The following ADARB2 variants were observed in gnomAD, a reference collection of about 807,000 sequenced individuals.
ADARB2 encodes adenosine deaminase RNA specific B2 (inactive).
ADARB2 carries 25 observed loss-of-function variants against 62.2 expected under a neutral mutation model. The observed-to-expected ratio is 0.40, with a 90% CI of 0.29 to 0.56. The LOEUF (loss-of-function observed/expected upper bound fraction) is 0.56. Ranked by LOEUF, ADARB2 falls within the 20% of genes least tolerant of loss-of-function variation. ADARB2 has a pLI of 0.43. For synonymous variants in ADARB2, 572 were observed against 500.8 expected, an observed-to-expected ratio of 1.14 and a Z score of -1.90; for missense variants, 1,071 against 1,077.4, an observed-to-expected ratio of 0.99 and a Z score of 0.08.
intron 6 of ADARB2, among the ~76,000 whole-genome samples, chr10:1,219,113 A>G (rs922428677): frequency 6.6e-6 from 1 of 150,828 alleles, no homozygotes; most frequent in Non-Finnish European, 1.5e-5. Flanking sequence ...TGCTCTGGCC[A>G]TGTCACTTTC....
chr10:1,502,535 C>G (rs1352045891), intron 1 of ADARB2, among the ~76,000 whole-genome samples: 1 of 152,190 alleles, frequency 6.6e-6, no homozygotes, highest in Non-Finnish European at 1.5e-5. Flanking sequence ...ATGGAAGAAG[C>G]AAATCTACTA....
chr10:1,619,483 C>T (rs1025595765), intron 1 of ADARB2, among the ~76,000 whole-genome samples: 1 of 152,110 alleles, frequency 6.6e-6, no homozygotes, highest in African/African-American at 2.4e-5. Context: ...TTCAGAGTCT[C>T]GCTCTGTCAC....
intron 2 of ADARB2, among the ~76,000 whole-genome samples, chr10:1,374,379 G>A (rs368807455): frequency 1.3e-5 from 2 of 152,188 alleles, no homozygotes; most frequent in Non-Finnish European, 2.9e-5. Flanking sequence ...TCATACGCAC[G>A]TGACCTTGTT....
At chr10:1,682,207 A>C (rs1320416823) in intron 1 of ADARB2, among the ~76,000 whole-genome samples, 1 of 152,248 alleles carries the variant, frequency 6.6e-6, no homozygotes, top group Non-Finnish European at 1.5e-5. Context: ...TGGAGGAATA[A>C]GAGAGCACTG....
intron 1 of ADARB2, among the ~76,000 whole-genome samples, chr10:1,451,415 G>A (rs1291111780): frequency 6.6e-6 from 1 of 152,230 alleles, no homozygotes; most frequent in African/African-American, 2.4e-5. Context: ...GGCCAAGTGA[G>A]GCTCAGAGTC....
chr10:1,464,995 A>T (rs1436451193), intron 1 of ADARB2, among the ~76,000 whole-genome samples: 3 of 152,240 alleles, frequency 2.0e-5, no homozygotes, highest in African/African-American at 7.2e-5. Flanking sequence ...GGAAACAGTG[A>T]CATGTTTTCC....
chr10:1,338,928 G>A (rs1215846016), intron 3 of ADARB2, among the ~76,000 whole-genome samples: 2 of 152,182 alleles, frequency 1.3e-5, no homozygotes, highest in African/African-American at 4.8e-5. Context: ...CGGACCTTGA[G>A]GGCTGATCTT....
intron 8 of ADARB2, among the ~76,000 whole-genome samples, chr10:1,195,909 G>T (rs1175225015): frequency 1.3e-5 from 2 of 152,142 alleles, no homozygotes; most frequent in Non-Finnish European, 2.9e-5. Context: ...CTGAATCGAG[G>T]CCCATGTGAT....
intron 1 of ADARB2, among the ~76,000 whole-genome samples, chr10:1,650,132 G>GCAA (rs781228622): frequency 6.6e-6 from 1 of 152,204 alleles, no homozygotes; most frequent in African/African-American, 2.4e-5. Flanking sequence ...GGTGGTGTCT[G>GCAA]CAAGACTGGC....
intron 1 of ADARB2, among the ~76,000 whole-genome samples, chr10:1,730,053 G>A (rs1588369433): frequency 6.6e-6 from 1 of 152,164 alleles, no homozygotes; most frequent in Non-Finnish European, 1.5e-5. Flanking sequence ...TCACCTGAAG[G>A]TGTTGAGCTA....
At chr10:1,674,690 C>A (rs189487870) in intron 1 of ADARB2, among the ~76,000 whole-genome samples, 2 of 152,052 alleles carry the variant, frequency 1.3e-5, no homozygotes, top group African/African-American at 4.8e-5. Flanking sequence ...TGACCGGTCC[C>A]GGAGGTCACC....
chr10:1,266,236 C>A (rs918222905), intron 4 of ADARB2, among the ~76,000 whole-genome samples: 2 of 152,208 alleles, frequency 1.3e-5, no homozygotes, highest in Admixed American at 1.3e-4. Flanking sequence ...GAAGAGAGAG[C>A]AGCTGTCTTC....
intron 6 of ADARB2, among the ~76,000 whole-genome samples, chr10:1,232,344 C>CTG (rs1300724237): frequency 1.3e-5 from 2 of 151,952 alleles, no homozygotes; most frequent in East Asian, 1.9e-4. Context: ...GTTGTATATG[C>CTG]TGTGTGTGGT....
intron 1 of ADARB2, among the ~76,000 whole-genome samples, chr10:1,707,164 C>T (rs775503982): frequency 1.3e-5 from 2 of 152,350 alleles, no homozygotes; most frequent in Non-Finnish European, 1.5e-5. Context: ...GCTTCCTTCA[C>T]GCGGTGTCCC....
chr10:1,298,720 A>ATTTTTTTTT (rs75978268), intron 3 of ADARB2, among the ~76,000 whole-genome samples: 3 of 110,780 alleles, frequency 2.7e-5, no homozygotes, highest in Admixed American at 9.0e-5. Context: ...TGCGACGGGA[A>ATTTTTTTTT]TTTTTTTTTT....
intron 1 of ADARB2, among the ~76,000 whole-genome samples, chr10:1,488,824 G>C (rs1199603645): frequency 6.6e-6 from 1 of 151,760 alleles, no homozygotes; most frequent in Non-Finnish European, 1.5e-5. Flanking sequence ...GCATATCTGC[G>C]GTCCTTGACG....
intron 1 of ADARB2, among the ~76,000 whole-genome samples, chr10:1,466,923 T>C (rs1360654909): frequency 1.3e-5 from 2 of 152,024 alleles, no homozygotes; most frequent in African/African-American, 4.8e-5. Flanking sequence ...TCAGGGTGGT[T>C]GGAGAGTTCT....
intron 3 of ADARB2, among the ~76,000 whole-genome samples, chr10:1,293,552 C>T (rs1218249075): frequency 2.0e-5 from 3 of 152,198 alleles, no homozygotes; most frequent in African/African-American, 7.2e-5. Context: ...GCTGGAAAGG[C>T]TCAGTCATGC....
At chr10:1,270,817 T>C (rs1308333617) in intron 4 of ADARB2, 138 bp downstream of exon 4, 2 of 734,572 alleles carry the variant, frequency 2.7e-6, no homozygotes, top group Non-Finnish European at 2.3e-6. Context: ...CTGATCTCTG[T>C]ATATGCTATA....
Sources: allele counts gnomAD v4.1 joint callset (sites outside exome capture counted in the v4.1 genomes callset), GRCh38; gene constraint gnomAD v4.1.1; transcripts MANE v1.5; gene names NCBI Gene and HGNC (gene_info 2026-07-23, HGNC 2026-07-21).